Variants in RPN2 observed in about 807,000 individuals in gnomAD.
RPN2 encodes ribophorin II.
A neutral mutation model predicts 71.4 loss-of-function variants in RPN2; 29 were observed. That is an observed-to-expected ratio of 0.41 (90% CI 0.30 to 0.55). The LOEUF (loss-of-function observed/expected upper bound fraction) is 0.55. Among genes scored for constraint, RPN2 ranks in the 20% least tolerant of loss-of-function variants. The pLI is 0.35. For synonymous variants in RPN2, 308 were observed against 305.0 expected, an observed-to-expected ratio of 1.01 and a Z score of -0.10; for missense variants, 726 against 774.1, an observed-to-expected ratio of 0.94 and a Z score of 0.74.
At chr20:37,226,428 G>T (rs1360720330) in intron 11 of RPN2, among the ~76,000 whole-genome samples, 1 of 152,166 alleles carries the variant, frequency 6.6e-6, no homozygotes, top group African/African-American at 2.4e-5. Flanking sequence ...GCTCACGCCT[G>T]TAATCCCAAC....
chr20:37,219,020 G>A (rs2067888120), intron 9 of RPN2, among the ~76,000 whole-genome samples: 1 of 151,970 alleles, frequency 6.6e-6, no homozygotes, highest in Non-Finnish European at 1.5e-5. Flanking sequence ...CTTGTTTTTG[G>A]TTCTTTCAGG....
intron 9 of RPN2, among the ~76,000 whole-genome samples, chr20:37,218,545 T>TAA (rs71187921): frequency 1.8e-3 from 271 of 147,384 alleles, no homozygotes; most frequent in East Asian, 0.012. Flanking sequence ...CCGTCTCTGC[T>TAA]AAAAAAAAAA....
chr20:37,180,263 TA>T (rs1402608142), intron 1 of RPN2, among the ~76,000 whole-genome samples: 2 of 152,206 alleles, frequency 1.3e-5, no homozygotes, highest in African/African-American at 2.4e-5. Flanking sequence ...GTAAAGTGGT[TA>T]AAAGCAGACT....
intron 5 of RPN2, 122 bp downstream of exon 5, chr20:37,204,082 C>T (rs1245694716): frequency 2.7e-6 from 2 of 739,904 alleles, no homozygotes; most frequent in Non-Finnish European, 4.8e-6. Flanking sequence ...ATCCATGGCA[C>T]ACTTGTGTTC....
rs376045139 is a variant in RPN2 at position 37,199,032 on chromosome 20, C to T, written c.304-18C>T. On this transcript the variant is annotated intron_variant, in intron 3 of 16. Coordinates refer to ENST00000237530, the MANE Select transcript of RPN2 (RefSeq NM_002951.5). ...CAAGACCTGTTCTAAAACTCTGTGT[C>T]TGCCAATTCTTTCTTAGATCTCTAT... 1.2e-6 allele frequency: 2 copies of T among 1,605,752 alleles called. No homozygotes were observed. The highest frequency in any genetic ancestry group is 2.7e-5 in the African/African-American group (2 of 74,736).
chr20:37,217,088 GC>G (rs1342606037), intron 9 of RPN2, among the ~76,000 whole-genome samples: 1 of 151,408 alleles, frequency 6.6e-6, no homozygotes, highest in Non-Finnish European at 1.5e-5. Flanking sequence ...GCACCACCAT[GC>G]CCAGCTAATT....
intron 5 of RPN2, 21 bp downstream of exon 5, chr20:37,203,981 G>C: frequency 1.3e-6 from 2 of 1,552,836 alleles, no homozygotes; most frequent in African/African-American, 2.7e-5. Context: ...TTTGCCAAAT[G>C]CATCTCCCAG....
intron 15 of RPN2, among the ~76,000 whole-genome samples, chr20:37,235,945 C>A (rs1299660535): frequency 6.6e-6 from 1 of 152,012 alleles, no homozygotes; most frequent in African/African-American, 2.4e-5. Context: ...CTCCCGCACC[C>A]AGCCTATTTA....
At chr20:37,188,835 G>T (rs1357232269) in intron 2 of RPN2, among the ~76,000 whole-genome samples, 2 of 150,990 alleles carry the variant, frequency 1.3e-5, no homozygotes, top group African/African-American at 4.9e-5. Context: ...GTTGCCCAGG[G>T]TTGTCTCAAA....
Position 37,210,084 on chromosome 20 carries a change from A to G in RPN2, c.905A>G (p.Gln302Arg). 5.6e-6 allele frequency: 9 copies of G among 1,614,146 alleles called. No homozygotes were observed. The highest frequency in any genetic ancestry group is 7.6e-6 in the Non-Finnish European group (9 of 1,180,000). The part of the protein sequence containing the change: ...VTNVLSQPLT[Q>R]ATVKLEHAKS... ...AATGTTCTGTCTCAGCCTCTGACTC[A>G]GGCCACTGTTAAACTAGAACATGCT... Residue 302 changes from glutamine to arginine, a missense_variant, in exon 8 of 17, where the codon CAG (glutamine) becomes CGG (arginine). Transcript: ENST00000237530.
chr20:37,196,113 G>T (rs897081657), intron 2 of RPN2, among the ~76,000 whole-genome samples: 2 of 151,952 alleles, frequency 1.3e-5, no homozygotes, highest in Admixed American at 1.3e-4. Flanking sequence ...AGGCTGGAGT[G>T]CAGTGGCACG....
intron 2 of RPN2, among the ~76,000 whole-genome samples, chr20:37,184,936 A>T (rs1040794586): frequency 1.3e-5 from 2 of 152,180 alleles, no homozygotes; most frequent in Non-Finnish European, 2.9e-5. Context: ...CTTTTACTTC[A>T]GCTCTGGGAG....
At chr20:37,186,001 T>C (rs950614111) in intron 2 of RPN2, among the ~76,000 whole-genome samples, 28 of 152,250 alleles carry the variant, frequency 1.8e-4, no homozygotes, top group African/African-American at 6.5e-4. Flanking sequence ...TCCATTTCCT[T>C]GCTAGCTGTC....
At chr20:37,196,538 CT>C (rs557062792) in intron 2 of RPN2, among the ~76,000 whole-genome samples, 29 of 151,890 alleles carry the variant, frequency 1.9e-4, no homozygotes, top group African/African-American at 5.1e-4. Flanking sequence ...CAGCCTTTTT[CT>C]TTTTTTTGAG....
Position 37,179,610 on chromosome 20 carries a change from C to T in RPN2, c.13+241C>T, listed in dbSNP as rs79999221. ...GTGCAGCGCGGAGCTACGGGTCGCC[C>T]CGAGGCTCAGCCGTGGGGACCGCGG... On this transcript the variant is annotated intron_variant, in intron 1 of 16. Coordinates refer to ENST00000237530, the MANE Select transcript of RPN2 (RefSeq NM_002951.5). 12,613 of 1,046,850 alleles carry T rather than the reference C, an allele frequency of 0.012. 1,088 individuals are homozygous for T. In the African/African-American group the frequency reaches 0.19, roughly 15 times the overall value. 64.8% of individuals were successfully genotyped at this position (1,046,850 alleles called of 1,614,324 possible). A position where few individuals can be genotyped will look rare whatever the true frequency, so the allele number is the denominator to read the frequency against.
intron 16 of RPN2, among the ~76,000 whole-genome samples, chr20:37,237,550 G>A (rs573260335): frequency 7.2e-5 from 11 of 152,244 alleles, no homozygotes; most frequent in Admixed American, 7.2e-4. Context: ...GCTTTTTCAG[G>A]GAGACCATCA....
chr20:37,213,407 CTCAGGACCCTG>C (rs1211501959), intron 8 of RPN2, among the ~76,000 whole-genome samples: 3 of 152,090 alleles, frequency 2.0e-5, no homozygotes, highest in African/African-American at 7.2e-5. Context: ...ATCACTTGAT[CTCAGGACCCTG>C]TCTCTACAAA....
chr20:37,236,517 T>A (rs2068396793), intron 15 of RPN2, 63 bp from the exon 16 acceptor site: 4 of 1,588,628 alleles, frequency 2.5e-6, no homozygotes, highest in Admixed American at 1.7e-5. Context: ...TGTCTAACTT[T>A]CCTCAACCGC....
chr20:37,234,748 A>G (rs1000030106), intron 15 of RPN2, among the ~76,000 whole-genome samples: 62 of 148,728 alleles, frequency 4.2e-4, no homozygotes, highest in South Asian at 1.5e-3. Context: ...TGGTGCATTC[A>G]TGGCTCACTG....
Sources: gnomAD v4.1 joint callset for allele counts (sites outside exome capture counted in the v4.1 genomes callset) on GRCh38, gnomAD v4.1.1 for gene constraint, MANE v1.5 for transcripts, NCBI Gene and HGNC (gene_info 2026-07-23, HGNC 2026-07-21) for gene names.